CHURC1: variants seen among roughly 807,000 people sequenced by gnomAD.
CHURC1 encodes the protein protein Churchill.
Under a neutral mutation model 15.4 loss-of-function variants are expected in CHURC1, and 12 were observed. The observed-to-expected ratio is 0.78, with a 90% CI of 0.50 to 1.27. CHURC1 has a LOEUF of 1.27. Ranked by LOEUF, CHURC1 falls within the 50% of genes most tolerant of loss-of-function variation. The pLI is 0.00. For synonymous variants in CHURC1, 42 were observed against 47.5 expected (o/e 0.88, Z 0.48); for missense variants, 132 against 137.8 (o/e 0.96, Z 0.21).
At position 64,934,172 on chromosome 14, in the gene CHURC1, G is replaced by A. The variant is rs1489489445; in HGVS notation, c.*1942G>A. 11 of 535,234 alleles carry A rather than the reference G, an allele frequency of 2.1e-5. No homozygotes were observed. Among genetic ancestry groups the A allele is most frequent in the Non-Finnish European group, 2.6e-5 (11 of 419,576 alleles). 33.2% of individuals were successfully genotyped at this position (535,234 alleles called of 1,614,324 possible). On this transcript the variant is annotated 3_prime_UTR_variant, in exon 4 of 4. Transcript: ENST00000549115. ...AGCCGGGCCAACATGGTGCAACCTC[G>A]TCTTTACTAAAAATACAAAAACAAA...
intron 2 of CHURC1, chr14:64,924,415 TAAC>T (rs1884540191): frequency 9.7e-6 from 2 of 206,326 alleles, no homozygotes; most frequent in Non-Finnish European, 9.7e-6. Flanking sequence ...TATGCTGCCT[TAAC>T]AAGATATACT....
chr14:64,932,248 T>C lies in CHURC1; in HGVS notation c.*18T>C. 1 of 1,613,106 alleles carries C rather than the reference T, an allele frequency of 6.2e-7. No individual in the cohort carries two copies. Among genetic ancestry groups the C allele is most frequent in the Non-Finnish European group, 8.5e-7 (1 of 1,179,392 alleles). On this transcript the variant is annotated 3_prime_UTR_variant, in exon 4 of 4. Transcript: ENST00000549115. ...TATTCTAAGGATCCTTCTACAGATC[T>C]GTTATAACTATATTGTGTTGGTTTA...
In CHURC1 at chr14:64,932,588, G is replaced by A. The variant is rs8984; in HGVS notation, c.*358G>A. The A allele has an allele frequency of 0.23, 93,909 of 400,144 alleles. 12,310 individuals carry two copies. Among genetic ancestry groups the A allele is most frequent in the African/African-American group, 0.41 (18,577 of 45,732 alleles). 24.8% of individuals were successfully genotyped at this position (400,144 alleles called of 1,614,324 possible). A position where few individuals can be genotyped will look rare whatever the true frequency, so the allele number is the denominator to read the frequency against. On this transcript the variant is annotated 3_prime_UTR_variant, in exon 4 of 4. Coordinates refer to ENST00000549115, the MANE Select transcript of CHURC1 (RefSeq NM_001386928.1). ...TGATTCTAGAACTGGGATATGAACT[G>A]TACAAGATGAGCCTAGAGTATCTTG... is the stretch of plus-strand genomic sequence containing the variant.
Position 64,933,081 on chromosome 14 carries a change from C to G in CHURC1, c.*851C>G, listed in dbSNP as rs185345667. On this transcript the variant is annotated 3_prime_UTR_variant, in exon 4 of 4. Coordinates refer to ENST00000549115, the MANE Select transcript of CHURC1 (RefSeq NM_001386928.1). ...GGCACTTTACCTCTGTGGTCCTCCT[C>G]CCCAGAACTCAGAACCCAAGTCTGA... 6.5e-6 allele frequency: 1 copy of G among 152,956 alleles called. No individual in the cohort carries two copies. The highest frequency in any genetic ancestry group is 1.5e-5 in the Non-Finnish European group (1 of 68,544). 9.5% of individuals were successfully genotyped at this position (152,956 alleles called of 1,614,324 possible). A position where few individuals can be genotyped will look rare whatever the true frequency, so the allele number is the denominator to read the frequency against.
At chr14:64,918,294 G>A (rs1321719287) in intron 1 of CHURC1, among the ~76,000 whole-genome samples, 2 of 152,132 alleles carry the variant, frequency 1.3e-5, no homozygotes, top group Non-Finnish European at 2.9e-5. Flanking sequence ...TGGATGTTAC[G>A]GGTCTTAGAC....
chr14:64,926,540 T>C (rs1165040059), intron 3 of CHURC1, among the ~76,000 whole-genome samples: 1 of 152,252 alleles, frequency 6.6e-6, no homozygotes, highest in Non-Finnish European at 1.5e-5. Flanking sequence ...CTGCTTTTTT[T>C]CTGCCCAGTT....
intron 2 of CHURC1, 149 bp from the exon 3 acceptor site, chr14:64,925,861 A>C (rs1034918884): frequency 1.8e-5 from 8 of 455,388 alleles, no homozygotes; most frequent in Non-Finnish European, 2.7e-5. Context: ...TTTAAAAATC[A>C]AGGTAGATAC....
At chr14:64,921,671 A>G (rs1447646738) in intron 1 of CHURC1, among the ~76,000 whole-genome samples, 3 of 152,338 alleles carry the variant, frequency 2.0e-5, no homozygotes, top group Admixed American at 2.0e-4. Context: ...TGATGTAGCT[A>G]TAGAGCAACT....
At chr14:64,915,487 A>G (rs544782306) in intron 1 of CHURC1, among the ~76,000 whole-genome samples, 15 of 152,346 alleles carry the variant, frequency 9.8e-5, no homozygotes, top group Non-Finnish European at 1.6e-4. Context: ...ATCATCTAAG[A>G]CTTGAAGGAC....
At chr14:64,928,321 C>T (rs983526633) in intron 3 of CHURC1, among the ~76,000 whole-genome samples, 3 of 152,212 alleles carry the variant, frequency 2.0e-5, no homozygotes, top group African/African-American at 7.2e-5. Flanking sequence ...GATCACAGCT[C>T]CCTGCAGCCT....
chr14:64,914,528 C>G lies in CHURC1; in HGVS notation c.33C>G (p.Pro11=). The change falls in exon 1 of 4, where the codon CCC becomes CCG. Residue 11 remains proline (P), a synonymous_variant. Transcript: ENST00000549115. The part of the protein sequence containing the change: MCGDCVEKEY[P]NRGNTCLENG... ...GCGACTGTGTGGAGAAGGAATATCC[C>G]AACCGGGTGAGCGACTGGGCGCTCC... 6.2e-7 allele frequency: 1 copy of G among 1,614,218 alleles called. No homozygotes were observed. The highest frequency in any genetic ancestry group is 2.2e-5 in the East Asian group (1 of 44,886).
intron 3 of CHURC1, among the ~76,000 whole-genome samples, chr14:64,927,709 TCCCCCCACCCCC>T (rs1197838790): frequency 2.2e-5 from 1 of 44,752 alleles, no homozygotes; most frequent in East Asian, 4.6e-4. Context: ...AGTCTACTTC[TCCCCCCACCCCC>T]CCCCCCGCCG....
At chr14:64,930,749 A>G (rs956866944) in intron 3 of CHURC1, 10 of 433,752 alleles carry the variant, frequency 2.3e-5, no homozygotes, top group Non-Finnish European at 4.5e-5. Context: ...AGCCTCACAC[A>G]TTTTCTCTTT....
chr14:64,916,297 G>A (rs1164995585), intron 1 of CHURC1, among the ~76,000 whole-genome samples: 1 of 152,212 alleles, frequency 6.6e-6, no homozygotes, highest in Non-Finnish European at 1.5e-5. Flanking sequence ...TTACTCCTAA[G>A]GGATTAGGGT....
At chr14:64,915,126 A>G (rs1481510281) in intron 1 of CHURC1, among the ~76,000 whole-genome samples, 1 of 152,176 alleles carries the variant, frequency 6.6e-6, no homozygotes, top group Admixed American at 6.5e-5. Context: ...TTGAACATTT[A>G]TATATGTGTA....
At chr14:64,914,685 T>C (rs1883735245) in intron 1 of CHURC1, 151 bp downstream of exon 1, 2 of 1,441,018 alleles carry the variant, frequency 1.4e-6, no homozygotes, top group Non-Finnish European at 1.9e-6. Flanking sequence ...ACACCAGGGA[T>C]GGCCTGTGGC....
intron 2 of CHURC1, 101 bp downstream of exon 2, chr14:64,924,227 A>T (rs1244675465): frequency 7.5e-7 from 1 of 1,334,012 alleles, no homozygotes; most frequent in African/African-American, 1.5e-5. Context: ...TCAATATTGT[A>T]TTGCGCACAT....
intron 1 of CHURC1, among the ~76,000 whole-genome samples, chr14:64,921,131 C>A (rs58989463): frequency 1.3e-5 from 2 of 151,974 alleles, no homozygotes; most frequent in African/African-American, 4.8e-5. Context: ...ACAAATCTTG[C>A]CAAAACAACT....
Position 64,934,939 on chromosome 14 carries a change from A to G in CHURC1, c.*2709A>G. 1.0e-6 allele frequency: 1 copy of G among 984,330 alleles called. No individual in the cohort carries two copies. The highest frequency in any genetic ancestry group is 1.2e-6 in the Non-Finnish European group (1 of 829,006). The allele number at this position is 984,330 out of a possible 1,614,324, so 61.0% of individuals were successfully genotyped here. ...CCCACATTGTGCTGTGTTTTGTGAT[A>G]TTTTATCATTTTCTAGATTCTTATG... On this transcript the variant is annotated 3_prime_UTR_variant, in exon 4 of 4. Coordinates refer to ENST00000549115, the MANE Select transcript of CHURC1 (RefSeq NM_001386928.1).
Sources: gnomAD v4.1 joint callset for allele counts (sites outside exome capture counted in the v4.1 genomes callset) on GRCh38, gnomAD v4.1.1 for gene constraint, MANE v1.5 for transcripts, NCBI Gene and HGNC (gene_info 2026-07-23, HGNC 2026-07-21) for gene names.